STOML3: variants seen among roughly 807,000 people sequenced by gnomAD.
STOML3 encodes stomatin-like protein 3.
STOML3 carries 31 observed loss-of-function variants against 29.5 expected under a neutral mutation model. That is an observed-to-expected ratio of 1.05 (90% confidence interval 0.79 to 1.42). The LOEUF (loss-of-function observed/expected upper bound fraction) is 1.42, where lower values mean the gene tolerates loss of function less well. Ranked by LOEUF, STOML3 falls within the 40% of genes most tolerant of loss-of-function variation. The pLI, the probability that STOML3 is intolerant of heterozygous loss-of-function variation, is 0.00. For missense variants in STOML3, 380 were observed against 363.0 expected, an observed-to-expected ratio of 1.05 and a Z score of -0.38; for synonymous variants, 122 against 139.8, an observed-to-expected ratio of 0.87 and a Z score of 0.90.
chr13:38,976,783 G>A lies in STOML3; in HGVS notation c.67C>T (p.Arg23Trp), dbSNP rs753352931. The A allele has an allele frequency of 6.0e-5, 96 of 1,613,314 alleles. No homozygotes were observed. The highest frequency in any genetic ancestry group is 3.3e-4 in the Middle Eastern group (2 of 6,084). ...KENFVGVNNK[R>W]LGVCGWILFS... The stretch of plus-strand genomic sequence containing the variant: ...AGGATCCAGCCACATACACCAAGCC[G>A]TTTATTGTTGACACCTAGGAAATGA... Residue 23 changes from arginine (R) to tryptophan (W), a missense_variant, in exon 2 of 7, where the codon CGG becomes TGG. Coordinates refer to ENST00000379631, the MANE Select transcript of STOML3 (RefSeq NM_145286.3).
In STOML3 at chr13:38,976,711, T is replaced by A; in HGVS notation, c.139A>T (p.Ile47Leu). ...LLVIITFPIS[I>L]WMCLKIIKEY... ...GGTGTTACCTTCAAGCACATCCATATGGAGATGGGGAAGGTAATGATCACC... is the reference window on the plus strand; with the variant it reads ...GGTGTTACCTTCAAGCACATCCATAAGGAGATGGGGAAGGTAATGATCACC... Residue 47 changes from isoleucine (I) to leucine (L), a missense_variant, in exon 2 of 7, where the codon ATA becomes TTA. Physicochemically the swap from Ile to Leu is conservative, Grantham distance 5. Coordinates refer to ENST00000379631, the MANE Select transcript of STOML3 (RefSeq NM_145286.3). The A allele has an allele frequency of 6.2e-7, 1 of 1,613,984 alleles. No homozygotes were observed. Among genetic ancestry groups the A allele is most frequent in the South Asian group, 1.1e-5 (1 of 91,052 alleles).
At chr13:38,980,089 T>C (rs1881220092) in intron 1 of STOML3, 8 of 1,551,668 alleles carry the variant, frequency 5.2e-6, no homozygotes, top group Non-Finnish European at 7.0e-6. Context: ...AGCCCTTGCA[T>C]CATTACACGT....
At position 38,988,597 on chromosome 13, in the gene STOML3, T is replaced by C. The variant is rs111331033; in HGVS notation, c.52+2073A>G. ...TATATCATATATTTTATATATAATA[T>C]ATTATATATCATATATTTTATATAT... On this transcript the variant is annotated intron_variant, in intron 1 of 6. Coordinates refer to ENST00000379631, the MANE Select transcript of STOML3 (RefSeq NM_145286.3). Among the ~76,000 whole-genome samples, 3 of 118,418 alleles carry C rather than the reference T, an allele frequency of 2.5e-5. No individual in the cohort carries two copies. The East Asian group carries it at 7.3e-4, about 29-fold the overall frequency. 77.7% of individuals were successfully genotyped at this position (118,418 alleles called of 152,430 possible). A position where few individuals can be genotyped will look rare whatever the true frequency, so the allele number is the denominator to read the frequency against.
intron 1 of STOML3, among the ~76,000 whole-genome samples, chr13:38,977,815 A>T (rs949804929): frequency 3.0e-4 from 38 of 128,790 alleles, no homozygotes; most frequent in Admixed American, 2.0e-4. Context: ...GCTGGAGTAC[A>T]GTGGCGCGCT....
intron 1 of STOML3, among the ~76,000 whole-genome samples, chr13:38,989,639 G>T (rs1218904378): frequency 1.3e-5 from 2 of 151,862 alleles, no homozygotes; most frequent in Non-Finnish European, 2.9e-5. Context: ...CTTAGCCACA[G>T]GCATGTGCCA....
At chr13:38,982,387 T>C (rs1881299721) in intron 1 of STOML3, among the ~76,000 whole-genome samples, 1 of 152,182 alleles carries the variant, frequency 6.6e-6, no homozygotes, top group Admixed American at 6.5e-5. Flanking sequence ...TTTCTCTGCC[T>C]CTTTGAGATT....
intron 3 of STOML3, among the ~76,000 whole-genome samples, chr13:38,973,301 T>C (rs1880957900): frequency 6.6e-6 from 1 of 151,574 alleles, no homozygotes; most frequent in African/African-American, 2.4e-5. Flanking sequence ...AATTAAGGTG[T>C]TCTTGTTCAT....
chr13:38,980,195 G>A, intron 1 of STOML3: 2 of 1,484,970 alleles, frequency 1.3e-6, no homozygotes, highest in South Asian at 1.2e-5. Flanking sequence ...TGGAGCATTA[G>A]AATCACCCAG....
intron 4 of STOML3, 73 bp from the exon 5 acceptor site, chr13:38,970,461 A>G: frequency 7.7e-7 from 1 of 1,295,426 alleles, no homozygotes; most frequent in Non-Finnish European, 1.1e-6. Context: ...CAGCCAGCCC[A>G]AGAGCCATCC....
chr13:38,988,955 A>G (rs917574315), intron 1 of STOML3, among the ~76,000 whole-genome samples: 4 of 145,100 alleles, frequency 2.8e-5, no homozygotes, highest in Admixed American at 1.4e-4. Context: ...TATATACTAT[A>G]TTACACAATA....
At chr13:38,983,908 G>A (rs1038205867) in intron 1 of STOML3, among the ~76,000 whole-genome samples, 1 of 152,092 alleles carries the variant, frequency 6.6e-6, no homozygotes, top group Non-Finnish European at 1.5e-5. Flanking sequence ...ATTCAAAAAG[G>A]TGTAAAAATA....
At chr13:38,977,750 ATTTTTTTTT>A (rs397851686) in intron 1 of STOML3, among the ~76,000 whole-genome samples, 6 of 84,234 alleles carry the variant, frequency 7.1e-5, no homozygotes, top group Admixed American at 3.7e-4. Flanking sequence ...AAGTCTCCGG[ATTTTTTTTT>A]TTTTTTTTTT....
In STOML3 at chr13:38,966,452, TC is replaced by T. The variant is rs66601384; in HGVS notation, c.*372del. 42,939 of 166,510 alleles carry T rather than the reference TC, an allele frequency of 0.26. 5,669 individuals are homozygous for T. The highest frequency in any genetic ancestry group is 0.36 in the East Asian group (2,146 of 5,912). The allele number at this position is 166,510 out of a possible 1,614,324, so 10.3% of individuals were successfully genotyped here. Reference sequence around the variant, plus strand: ...AGTGTAAATATGAGGCCTATGTTACTCTATAAATTATCTGGAGTGCTTTTTA... The same window carrying T: ...AGTGTAAATATGAGGCCTATGTTACTTATAAATTATCTGGAGTGCTTTTTA... On this transcript the variant is annotated 3_prime_UTR_variant, in exon 7 of 7. Coordinates refer to ENST00000379631, the MANE Select transcript of STOML3 (RefSeq NM_145286.3).
In STOML3 at chr13:38,990,741, T is replaced by C. The variant is rs751382619; in HGVS notation, c.-20A>G. On this transcript the variant is annotated 5_prime_UTR_variant, in exon 1 of 7. It adds an upstream start codon to the 5' untranslated region. Coordinates refer to ENST00000379631, the MANE Select transcript of STOML3 (RefSeq NM_145286.3). Reference sequence around the variant, plus strand: ...ATCCATCTCATTCTTGAGAAGCTTTTATACTTGGCAATTTTTCATGGGTTT... The same window carrying C: ...ATCCATCTCATTCTTGAGAAGCTTTCATACTTGGCAATTTTTCATGGGTTT... 31 of 1,612,786 alleles carry C rather than the reference T, an allele frequency of 1.9e-5. No homozygotes were observed. The highest frequency in any genetic ancestry group is 2.6e-5 in the Non-Finnish European group (31 of 1,179,240).
At chr13:38,987,421 G>A (rs909834672) in intron 1 of STOML3, among the ~76,000 whole-genome samples, 2 of 151,934 alleles carry the variant, frequency 1.3e-5, no homozygotes, top group Non-Finnish European at 1.5e-5. Context: ...CTACTCAGGA[G>A]GCTGAGGTTG....
chr13:38,971,462 T>C (rs1028150726), intron 4 of STOML3, among the ~76,000 whole-genome samples: 2 of 152,358 alleles, frequency 1.3e-5, no homozygotes, highest in South Asian at 4.1e-4. Flanking sequence ...TTGATTTTCG[T>C]CTTCTTATCA....
intron 6 of STOML3, 82 bp downstream of exon 6, chr13:38,968,318 C>T (rs1880729858): frequency 2.0e-6 from 3 of 1,524,826 alleles, no homozygotes; most frequent in East Asian, 2.3e-5. Flanking sequence ...ATTGACAGAC[C>T]CAATCTTCTG....
intron 1 of STOML3, among the ~76,000 whole-genome samples, chr13:38,977,235 C>G (rs1881113680): frequency 6.6e-6 from 1 of 152,150 alleles, no homozygotes; most frequent in Non-Finnish European, 1.5e-5. Context: ...CAGAGGGAGA[C>G]AATGTGGTAC....
intron 3 of STOML3, among the ~76,000 whole-genome samples, chr13:38,975,520 T>C (rs1261213385): frequency 6.6e-6 from 1 of 152,094 alleles, no homozygotes; most frequent in Non-Finnish European, 1.5e-5. Flanking sequence ...GAACAATTTA[T>C]TCAAATAAGC....
Sources: allele counts gnomAD v4.1 joint callset (sites outside exome capture counted in the v4.1 genomes callset), GRCh38; gene constraint gnomAD v4.1.1; transcripts MANE v1.5; gene names NCBI Gene and HGNC (gene_info 2026-07-23, HGNC 2026-07-21).